Variants in PCDH15 observed in about 807,000 individuals in gnomAD.
PCDH15 encodes the protein protocadherin related 15.
In PCDH15, 129 loss-of-function variants were observed where a neutral mutation model predicts 178.5. The observed-to-expected ratio is 0.72, with a 90% CI of 0.63 to 0.84. PCDH15 has a LOEUF of 0.84. PCDH15 is among the 40% of genes least tolerant of loss of function. The pLI is 0.00. For missense variants in PCDH15, 2,230 were observed against 2,099.9 expected (o/e 1.06, Z -1.21); for synonymous variants, 800 against 732.0 (o/e 1.09, Z -1.50).
intron 25 of PCDH15, among the ~76,000 whole-genome samples, chr10:53,911,047 C>A (rs184437745): frequency 6.6e-6 from 1 of 152,212 alleles, no homozygotes; most frequent in Non-Finnish European, 1.5e-5. Context: ...ATTGGTGTAC[C>A]TGAAAGTGAT....
At chr10:54,713,130 T>C (rs2095442906) in intron 1 of PCDH15, among the ~76,000 whole-genome samples, 2 of 152,076 alleles carry the variant, frequency 1.3e-5, no homozygotes, top group Non-Finnish European at 2.9e-5. Context: ...CAGTTATTTC[T>C]TTAGACTTTA....
At chr10:54,811,081 A>G (rs1399453850) in intron 3 of PCDH15, among the ~76,000 whole-genome samples, 3 of 152,038 alleles carry the variant, frequency 2.0e-5, no homozygotes, top group South Asian at 4.1e-4. Flanking sequence ...TAGTTATTTC[A>G]TATTTTTAAC....
chr10:54,516,497 G>A (rs2082236124), intron 3 of PCDH15, among the ~76,000 whole-genome samples: 2 of 151,842 alleles, frequency 1.3e-5, no homozygotes, highest in African/African-American at 2.4e-5. Flanking sequence ...AAGCAAGAAG[G>A]GAAGTTTAGA....
intron 15 of PCDH15, among the ~76,000 whole-genome samples, chr10:54,125,147 G>A (rs1261604881): frequency 6.6e-6 from 1 of 151,436 alleles, no homozygotes; most frequent in Non-Finnish European, 1.5e-5. Flanking sequence ...AGTCAAATGT[G>A]TGGTTTTTTT....
At chr10:54,849,247 T>A (rs1953568480) in intron 3 of PCDH15, among the ~76,000 whole-genome samples, 1 of 152,200 alleles carries the variant, frequency 6.6e-6, no homozygotes, top group South Asian at 2.1e-4. Flanking sequence ...AGCATGCTGT[T>A]AAATCCTCAC....
intron 15 of PCDH15, among the ~76,000 whole-genome samples, chr10:54,102,981 G>A (rs1316980523): frequency 6.6e-6 from 1 of 152,172 alleles, no homozygotes; most frequent in Non-Finnish European, 1.5e-5. Context: ...CCAGTGCACA[G>A]TGACCTTGGT....
At chr10:54,077,045 T>G (rs1222170838) in intron 17 of PCDH15, among the ~76,000 whole-genome samples, 1 of 152,148 alleles carries the variant, frequency 6.6e-6, no homozygotes, top group African/African-American at 2.4e-5. Flanking sequence ...ACTTTTTTTC[T>G]TCAGGAACCC....
At chr10:53,876,244 G>A (rs866099484) in intron 26 of PCDH15, among the ~76,000 whole-genome samples, 16 of 150,656 alleles carry the variant, frequency 1.1e-4, no homozygotes, top group Middle Eastern at 3.4e-3. Flanking sequence ...ATGGAGTGCA[G>A]TGGCATGATC....
intron 2 of PCDH15, among the ~76,000 whole-genome samples, chr10:55,541,546 T>C (rs1263207240): frequency 2.0e-5 from 3 of 151,944 alleles, no homozygotes; most frequent in Non-Finnish European, 4.4e-5. Context: ...TACTGTGCTT[T>C]AGATTTTTAT....
At chr10:55,260,320 G>A (rs1374008822) in intron 1 of PCDH15, among the ~76,000 whole-genome samples, 1 of 151,876 alleles carries the variant, frequency 6.6e-6, no homozygotes, top group African/African-American at 2.4e-5. Flanking sequence ...GAAGAAGGAA[G>A]CAAATATAGA....
chr10:53,812,198 G>GT (rs1233617809), intron 35 of PCDH15, among the ~76,000 whole-genome samples: 1 of 151,858 alleles, frequency 6.6e-6, no homozygotes, highest in Non-Finnish European at 1.5e-5. Context: ...AAATTTAAGG[G>GT]TTTTTTGTTT....
intron 2 of PCDH15, among the ~76,000 whole-genome samples, chr10:55,584,984 C>A (rs1205351454): frequency 6.6e-6 from 1 of 150,460 alleles, no homozygotes; most frequent in African/African-American, 2.4e-5. Flanking sequence ...TAAGTAAACC[C>A]TTCTTGCTCA....
At chr10:54,679,258 TTTG>T (rs2094856141) in intron 1 of PCDH15, among the ~76,000 whole-genome samples, 1 of 152,052 alleles carries the variant, frequency 6.6e-6, no homozygotes, top group Non-Finnish European at 1.5e-5. Flanking sequence ...TGTCCAATAT[TTTG>T]TTGGTCTAAA....
chr10:53,840,003 A>G (rs1239443859), intron 29 of PCDH15, among the ~76,000 whole-genome samples: 1 of 152,202 alleles, frequency 6.6e-6, no homozygotes, highest in East Asian at 1.9e-4. Context: ...TGCTTTCCTC[A>G]TTAATAGCCA....
intron 13 of PCDH15, 94 bp from the exon 14 acceptor site, chr10:54,153,387 G>T: frequency 7.2e-7 from 1 of 1,382,244 alleles, no homozygotes; most frequent in South Asian, 1.2e-5. Context: ...TGCTTTCAAA[G>T]AAAAAAACAC....
At chr10:54,344,904 C>CCAAAAAAAAAAAAAAAAAA in intron 6 of PCDH15, among the ~76,000 whole-genome samples, 1 of 78,888 alleles carries the variant, frequency 1.3e-5, no homozygotes, top group Non-Finnish European at 2.3e-5. Context: ...AGAAACAAAG[C>CCAAAAAAAAAAAAAAAAAA]AAAAAAAAAA....
intron 26 of PCDH15, among the ~76,000 whole-genome samples, chr10:53,893,924 T>A (rs1332442676): frequency 1.3e-5 from 2 of 152,184 alleles, no homozygotes; most frequent in Non-Finnish European, 2.9e-5. Context: ...AAAAACCACT[T>A]GTTCTCCCCA....
chr10:54,153,126 C>T lies in PCDH15; in HGVS notation c.1758G>A (p.Ala586=). Reference sequence around the variant, plus strand: ...TTCGCTCTGCAGGAGGAGCATTATCCGCTGCTTGGACCGTGAGTGCGTAAG... The same window carrying T: ...TTCGCTCTGCAGGAGGAGCATTATCTGCTGCTTGGACCGTGAGTGCGTAAG... ...GRTYALTVQA[A]DNAPPAERRN... Residue 586 remains alanine, a synonymous_variant, in exon 14 of 38, where the codon GCG becomes GCA. Transcript: ENST00000644397. 1 of 1,613,766 alleles carries T rather than the reference C, an allele frequency of 6.2e-7. No individual in the cohort carries two copies. Among genetic ancestry groups the T allele is most frequent in the Non-Finnish European group, 8.5e-7 (1 of 1,179,836 alleles).
intron 26 of PCDH15, among the ~76,000 whole-genome samples, chr10:53,897,131 C>T (rs1474014775): frequency 6.6e-6 from 1 of 152,042 alleles, no homozygotes; most frequent in Non-Finnish European, 1.5e-5. Flanking sequence ...AACTAATGGC[C>T]TGCCCTAGAG....
Sources: allele counts gnomAD v4.1 joint callset (sites outside exome capture counted in the v4.1 genomes callset), GRCh38; gene constraint gnomAD v4.1.1; transcripts MANE v1.5; gene names NCBI Gene and HGNC (gene_info 2026-07-23, HGNC 2026-07-21).